The following TMEM164 variants were observed in gnomAD, a reference collection of about 807,000 sequenced individuals.
The protein encoded by TMEM164 is transmembrane protein 164.
Under a neutral mutation model 18.8 loss-of-function variants are expected in TMEM164, and 4 were observed. The ratio of observed to expected loss-of-function variants is 0.21; its 90% CI spans 0.10 to 0.49. The LOEUF is 0.49. Among genes scored for constraint, TMEM164 ranks in the 20% least tolerant of loss-of-function variants. The probability of loss-of-function intolerance (pLI) is 0.98; values close to 1 mark genes in which losing one functional copy is unlikely to be tolerated. For synonymous variants in TMEM164, 86 were observed against 101.7 expected (o/e 0.85, Z 0.93); for missense variants, 108 against 239.9 (o/e 0.45, Z 3.63).
chrX:110,054,521 A>G (rs187972613), intron 2 of TMEM164, among the ~76,000 whole-genome samples: 1 of 112,343 alleles, frequency 8.9e-6, no homozygotes, highest in African/African-American at 3.2e-5. Context: ...CAAAAAGAAG[A>G]AACAAACGCA....
At chrX:110,180,209 C>G (rs1224579677), downstream of TMEM164, among the ~76,000 whole-genome samples, 5 of 112,363 alleles carry the variant, frequency 4.4e-5, no homozygotes. Flanking sequence ...TCCCTGGAGG[C>G]ACACAGAGTT....
At chrX:110,098,570 A>G (rs983808273) in intron 3 of TMEM164, among the ~76,000 whole-genome samples, 2 of 111,537 alleles carry the variant, frequency 1.8e-5, no homozygotes, top group African/African-American at 6.5e-5. Context: ...ATTCCTACCA[A>G]CAGTGTATGA....
intron 3 of TMEM164, among the ~76,000 whole-genome samples, chrX:110,084,413 GTA>G (rs1272096864): frequency 2.3e-4 from 2 of 8,764 alleles, no homozygotes; most frequent in East Asian, 5.8e-3. Context: ...TATATATAGT[GTA>G]TATATATATA....
chrX:110,171,901 C>T (rs2067236154), intron 6 of TMEM164, among the ~76,000 whole-genome samples: 1 of 112,194 alleles, frequency 8.9e-6, no homozygotes, highest in Non-Finnish European at 1.9e-5. Context: ...TGGGCCCATT[C>T]ATAGGCCCTG....
At chrX:110,164,586 C>T (rs753890595) in intron 5 of TMEM164, among the ~76,000 whole-genome samples, 1 of 110,839 alleles carries the variant, frequency 9.0e-6, no homozygotes, top group Non-Finnish European at 1.9e-5. Flanking sequence ...AACAAGAGGC[C>T]GAGGAACTGA....
chrX:110,023,471 C>T (rs769594960), intron 2 of TMEM164, among the ~76,000 whole-genome samples: 1 of 111,041 alleles, frequency 9.0e-6, no homozygotes, highest in Non-Finnish European at 1.9e-5. Flanking sequence ...TGCTACTTCC[C>T]AAGCCAGAAA....
intron 3 of TMEM164, among the ~76,000 whole-genome samples, 191 bp downstream of exon 3, chrX:110,067,587 C>T (rs2065521714): frequency 8.9e-6 from 1 of 112,225 alleles, no homozygotes; most frequent in Admixed American, 9.4e-5. Context: ...TGGTTTTTGT[C>T]AAGCCGTCAA....
chrX:110,146,622 G>A (rs1215194537), intron 5 of TMEM164, among the ~76,000 whole-genome samples: 2 of 111,747 alleles, frequency 1.8e-5, no homozygotes, highest in Non-Finnish European at 3.8e-5. Flanking sequence ...TTTTACTCCA[G>A]GACCTCAATG....
chrX:110,094,104 C>T (rs1251122752), intron 3 of TMEM164, among the ~76,000 whole-genome samples: 1 of 111,506 alleles, frequency 9.0e-6, no homozygotes, highest in East Asian at 2.8e-4. Flanking sequence ...GCTTTACTTC[C>T]AACTATGTGG....
intron 4 of TMEM164, among the ~76,000 whole-genome samples, 185 bp from the exon 5 acceptor site, chrX:110,144,613 A>G (rs1009992648): frequency 8.9e-6 from 1 of 111,736 alleles, no homozygotes; most frequent in Non-Finnish European, 1.9e-5. Context: ...GAAGATCCTG[A>G]TCTAGATCAG....
intron 3 of TMEM164, among the ~76,000 whole-genome samples, chrX:110,093,544 A>AT (rs2065966029): frequency 9.0e-6 from 1 of 111,582 alleles, no homozygotes; most frequent in South Asian, 3.7e-4. Flanking sequence ...CCCCTTTATC[A>AT]TTTTTTATTG....
At position 110,098,167 on chromosome X, in the gene TMEM164, C is replaced by A. The variant is rs755798739; in HGVS notation, c.441-10913C>A. On this transcript the variant is annotated intron_variant, in intron 3 of 6. Coordinates refer to ENST00000372068, the MANE Select transcript of TMEM164 (RefSeq NM_032227.4). ...ACAAATGGAACCTTACAGTGTGTAA[C>A]CTTTAGAGAGTGGGTTTGTTTACTT... Among the ~76,000 whole-genome samples the A allele has an allele frequency of 2.7e-5, 3 of 112,001 alleles. No homozygotes were observed. In the South Asian group the frequency reaches 1.1e-3, roughly 41 times the overall value.
chrX:110,163,284 A>T (rs987821209), intron 5 of TMEM164, among the ~76,000 whole-genome samples: 1 of 112,451 alleles, frequency 8.9e-6, no homozygotes, highest in Non-Finnish European at 1.9e-5. Flanking sequence ...ATGTAATTTC[A>T]AATGTTCCAG....
chrX:110,056,671 G>C (rs1602543381), intron 2 of TMEM164, among the ~76,000 whole-genome samples: 1 of 111,499 alleles, frequency 9.0e-6, no homozygotes, highest in Admixed American at 9.5e-5. Context: ...AGTATAAAAG[G>C]GTTCCAATTT....
chrX:110,150,690 C>T (rs1385180003), intron 5 of TMEM164, among the ~76,000 whole-genome samples: 1 of 112,030 alleles, frequency 8.9e-6, no homozygotes, highest in East Asian at 2.8e-4. Context: ...AATATTTTCC[C>T]CCTTCTTCAG....
intron 2 of TMEM164, among the ~76,000 whole-genome samples, chrX:110,046,828 A>G (rs1602526844): frequency 1.8e-5 from 2 of 112,173 alleles, no homozygotes; most frequent in East Asian, 5.6e-4. Context: ...GCTAGCCAAA[A>G]TATCCACAAT....
At chrX:110,038,926 A>G (rs1019673637) in intron 2 of TMEM164, among the ~76,000 whole-genome samples, 1 of 111,270 alleles carries the variant, frequency 9.0e-6, no homozygotes, top group African/African-American at 3.3e-5. Context: ...AAAATCAATT[A>G]TATTTGGTTT....
chrX:110,107,506 G>A (rs1490493877), intron 3 of TMEM164, among the ~76,000 whole-genome samples: 1 of 111,911 alleles, frequency 8.9e-6, no homozygotes, highest in African/African-American at 3.2e-5. Flanking sequence ...ATCGCTATTC[G>A]CAAAGTTTTG....
intron 2 of TMEM164, among the ~76,000 whole-genome samples, chrX:110,048,621 T>G (rs747014185): frequency 9.0e-6 from 1 of 111,067 alleles, no homozygotes; most frequent in Non-Finnish European, 1.9e-5. Flanking sequence ...GCCTTCTGAC[T>G]TCCAGGCAAT....
Sources: allele counts gnomAD v4.1 joint callset (sites outside exome capture counted in the v4.1 genomes callset), GRCh38; gene constraint gnomAD v4.1.1; transcripts MANE v1.5; gene names NCBI Gene and HGNC (gene_info 2026-07-23, HGNC 2026-07-21).